Variants in OTOA observed in about 807,000 individuals in gnomAD.
The protein encoded by OTOA is cancer/testis antigen 108.
In OTOA, 70 loss-of-function variants were observed where a neutral mutation model predicts 110.8. That is an observed-to-expected ratio of 0.63 (90% CI 0.52 to 0.77). The LOEUF is 0.77. Ranked by LOEUF, OTOA falls within the 30% of genes least tolerant of loss-of-function variation. The pLI is 0.00. For synonymous variants in OTOA, 373 were observed against 431.5 expected, an observed-to-expected ratio of 0.86 and a Z score of 1.68; for missense variants, 917 against 1,075.8, an observed-to-expected ratio of 0.85 and a Z score of 2.06.
At chr16:21,719,227 G>T (rs780423019) in intron 16 of OTOA, 36 bp downstream of exon 16, 2 of 1,610,564 alleles carry the variant, frequency 1.2e-6, no homozygotes, top group South Asian at 2.2e-5. Flanking sequence ...TGCTGAACAG[G>T]CCTTTCAGAG....
At chr16:21,689,902 T>C (rs1897794517) in intron 8 of OTOA, among the ~76,000 whole-genome samples, 1 of 152,086 alleles carries the variant, frequency 6.6e-6, no homozygotes, top group Non-Finnish European at 1.5e-5. Flanking sequence ...GTCAGGCTGG[T>C]CTCAAACTCC....
chr16:21,685,987 A>G (rs1002565832), intron 7 of OTOA, among the ~76,000 whole-genome samples: 1 of 152,166 alleles, frequency 6.6e-6, no homozygotes, highest in Non-Finnish European at 1.5e-5. Context: ...ATCCTCCTGC[A>G]CTCAAGGAGC....
At chr16:21,697,644 A>G in intron 9 of OTOA, 131 bp from the exon 10 acceptor site, 1 of 887,252 alleles carries the variant, frequency 1.1e-6, no homozygotes. Flanking sequence ...AAAACCCCGA[A>G]AAACAAAATA....
At chr16:21,738,362 A>G (rs1899409793) in intron 22 of OTOA, among the ~76,000 whole-genome samples, 1 of 117,048 alleles carries the variant, frequency 8.5e-6, no homozygotes, top group East Asian at 2.3e-4. Context: ...GGGTGGAGGC[A>G]TCGTGTGACA....
intron 5 of OTOA, among the ~76,000 whole-genome samples, chr16:21,680,120 A>T (rs1401304484): frequency 6.6e-6 from 1 of 152,204 alleles, no homozygotes; most frequent in Non-Finnish European, 1.5e-5. Context: ...TTTCCCTAAG[A>T]TAACACCAAT....
chr16:21,756,762 A>G (rs1899998965), intron 27 of OTOA, among the ~76,000 whole-genome samples: 1 of 151,762 alleles, frequency 6.6e-6, no homozygotes, highest in Admixed American at 6.6e-5. Context: ...CCAGGGGTTC[A>G]GATATTGTTG....
rs1028561457 is a variant in OTOA at position 21,714,990 on chromosome 16, G to A, written c.1326G>A (p.Leu442=). ...CGCAGCCGCTCCTCTTCCAGGTGCT[G>A]TCTTTCTACAATGTCAGCCAGATGG... ...SAKYLAHEKV[L]SFYNVSQMGA... Residue 442 remains leucine (L), a synonymous_variant, in exon 14 of 29, where the codon CTG becomes CTA. Coordinates refer to ENST00000646100, the MANE Select transcript of OTOA (RefSeq NM_144672.4). 16 of 1,614,176 alleles carry A rather than the reference G, an allele frequency of 9.9e-6. No homozygotes were observed. The highest frequency in any genetic ancestry group is 1.4e-5 in the Non-Finnish European group (16 of 1,180,008).
intron 6 of OTOA, chr16:21,684,495 C>T: frequency 6.5e-7 from 1 of 1,549,902 alleles, no homozygotes. Flanking sequence ...GGGTTCTAAA[C>T]TTCCTGGACA....
intron 21 of OTOA, among the ~76,000 whole-genome samples, chr16:21,735,895 A>G (rs1567399869): frequency 1.3e-5 from 2 of 152,164 alleles, no homozygotes; most frequent in Non-Finnish European, 1.5e-5. Context: ...CACCTCGCCT[A>G]ACCTACATTT....
rs768538095 is a variant in OTOA at position 21,687,455 on chromosome 16, C to T, written c.442C>T (p.Arg148Ter). Residue 148 changes from arginine (R) to a stop codon, truncating the protein, a stop_gained, in exon 8 of 29, where the codon CGA becomes TGA. Coordinates refer to ENST00000646100, the MANE Select transcript of OTOA (RefSeq NM_144672.4). LOFTEE classifies it high-confidence loss of function. ...CATCGACTTAGGAGAGATTCGAGAA[C>T]GAGCCTTGCAGAGCCCTGGCGTGAA... Reference protein sequence around the residue: ...IIIDLGEIRERALQSPGVNRS... With the variant: ...IIIDLGEIRE 17 of 1,614,020 alleles carry T rather than the reference C, an allele frequency of 1.1e-5. No individual in the cohort carries two copies. The highest frequency in any genetic ancestry group is 2.2e-5 in the East Asian group (1 of 44,874).
intron 11 of OTOA, among the ~76,000 whole-genome samples, chr16:21,701,905 G>T (rs930076208): frequency 1.3e-5 from 2 of 150,416 alleles, no homozygotes; most frequent in Non-Finnish European, 2.9e-5. Flanking sequence ...CCAAACTGCT[G>T]GGATTACAGG....
chr16:21,710,009 C>T lies in OTOA; in HGVS notation c.1226C>T (p.Ala409Val). The T allele has an allele frequency of 1.2e-6, 2 of 1,614,100 alleles. No homozygotes were observed. The highest frequency in any genetic ancestry group is 2.2e-5 in the South Asian group (2 of 91,078). ...YSQLESLSPE[A>V]VHGAISTLNQ... The stretch of plus-strand genomic sequence containing the variant: ...CAACTGGAATCCCTCTCCCCCGAGG[C>T]TGTGCACGGAGCCATCTCCACCCTC... The change falls in exon 13 of 29, where the codon GCT becomes GTT. Residue 409 changes from alanine (A) to valine (V), a missense_variant. By Grantham distance (64) the Ala-to-Val change is moderately conservative. This residue lies in a region of OTOA where 840 missense variants were observed against 910.2 expected (regional missense o/e 0.92). Coordinates refer to ENST00000646100, the MANE Select transcript of OTOA (RefSeq NM_144672.4).
intron 28 of OTOA, among the ~76,000 whole-genome samples, chr16:21,760,240 G>T (rs1900126329): frequency 6.6e-6 from 1 of 151,866 alleles, no homozygotes; most frequent in African/African-American, 2.4e-5. Context: ...CCTGGAATTG[G>T]TGTTTCTAAC....
chr16:21,711,084 C>G (rs1357937538), intron 13 of OTOA, among the ~76,000 whole-genome samples: 1 of 152,218 alleles, frequency 6.6e-6, no homozygotes, highest in Non-Finnish European at 1.5e-5. Context: ...AGTTGGTACA[C>G]ATGAAGAAGC....
intron 8 of OTOA, among the ~76,000 whole-genome samples, chr16:21,688,127 C>T (rs752089572): frequency 1.3e-5 from 2 of 152,104 alleles, no homozygotes; most frequent in African/African-American, 2.4e-5. Context: ...TGGTAGCTCA[C>T]ACCTGTGATC....
At chr16:21,685,502 G>A in intron 7 of OTOA, 141 bp downstream of exon 7, 1 of 1,195,480 alleles carries the variant, frequency 8.4e-7, no homozygotes, top group Non-Finnish European at 1.2e-6. Context: ...AACCCCCTGG[G>A]GGCTTTAGGA....
intron 19 of OTOA, among the ~76,000 whole-genome samples, chr16:21,727,765 A>C (rs1392512337): frequency 1.3e-5 from 2 of 152,026 alleles, no homozygotes; most frequent in African/African-American, 4.8e-5. Context: ...TGAGGCCTGC[A>C]TCCCTGGGGA....
chr16:21,716,611 A>G (rs1285003174), intron 14 of OTOA, among the ~76,000 whole-genome samples: 2 of 152,116 alleles, frequency 1.3e-5, no homozygotes, highest in Non-Finnish European at 2.9e-5. Context: ...GGTTTGGCCT[A>G]AAACACCAAT....
intron 17 of OTOA, among the ~76,000 whole-genome samples, chr16:21,719,769 G>A (rs2141705185): frequency 6.6e-6 from 1 of 152,202 alleles, no homozygotes; most frequent in Non-Finnish European, 1.5e-5. Flanking sequence ...ACAGTATTTT[G>A]TGTGTTCATA....
Sources: allele counts gnomAD v4.1 joint callset (sites outside exome capture counted in the v4.1 genomes callset), GRCh38; gene constraint gnomAD v4.1.1; regional missense constraint gnomAD v4.1.1; transcripts MANE v1.5; gene names NCBI Gene and HGNC (gene_info 2026-07-23, HGNC 2026-07-21).